The following PLS1 variants were observed in gnomAD, a reference collection of about 807,000 sequenced individuals.
The protein encoded by PLS1 is plastin-1.
PLS1 carries 32 observed loss-of-function variants against 73.7 expected under a neutral mutation model. The ratio of observed to expected loss-of-function variants is 0.43; its 90% CI spans 0.33 to 0.58. PLS1 has a LOEUF of 0.58. PLS1 is among the 20% of genes least tolerant of loss of function. The pLI is 0.04. For synonymous variants in PLS1, 217 were observed against 261.3 expected (o/e 0.83, Z 1.63); for missense variants, 633 against 740.5 (o/e 0.85, Z 1.68).
At chr3:142,682,513 G>T (rs2107884075) in intron 6 of PLS1, among the ~76,000 whole-genome samples, 1 of 152,272 alleles carries the variant, frequency 6.6e-6, no homozygotes, top group East Asian at 1.9e-4. Flanking sequence ...AATCAATTTA[G>T]CGAAATTACA....
At chr3:142,668,178 T>C in intron 2 of PLS1, among the ~76,000 whole-genome samples, 1 of 152,292 alleles carries the variant, frequency 6.6e-6, no homozygotes, top group East Asian at 1.9e-4. Context: ...TGCTGTCAAC[T>C]CTGGGCAGAA....
At chr3:142,689,513 T>C (rs1262027369) in intron 9 of PLS1, 105 bp from the exon 10 acceptor site, 4 of 478,028 alleles carry the variant, frequency 8.4e-6, no homozygotes, top group Non-Finnish European at 1.1e-5. Context: ...TTTTGAGTTA[T>C]TATTTGATAT....
intron 1 of PLS1, chr3:142,654,885 C>T (rs570252375): frequency 1.3e-5 from 2 of 152,230 alleles, no homozygotes; most frequent in Admixed American, 6.5e-5. Context: ...GTTGGTGGCA[C>T]ATTTCCCATA....
intron 3 of PLS1, among the ~76,000 whole-genome samples, chr3:142,670,483 A>T (rs7646861): frequency 0.019 from 2,774 of 145,636 alleles, 82 homozygotes; most frequent in African/African-American, 0.072. Flanking sequence ...ATTTGCATTT[A>T]AAAAAAAACC....
intron 1 of PLS1, among the ~76,000 whole-genome samples, chr3:142,643,366 G>A (rs76660237): frequency 0.035 from 5,281 of 152,216 alleles, 303 homozygotes; most frequent in African/African-American, 0.12. Flanking sequence ...TTTTCTTCTT[G>A]ATTTCTCCAC....
chr3:142,644,445 GTCTC>G (rs2036910068), intron 1 of PLS1, among the ~76,000 whole-genome samples: 1 of 151,772 alleles, frequency 6.6e-6, no homozygotes, highest in African/African-American at 2.4e-5. Context: ...TAGAGATGGG[GTCTC>G]TCTGTGTTGT....
At chr3:142,709,493 C>T (rs1933010001) in intron 14 of PLS1, among the ~76,000 whole-genome samples, 1 of 152,106 alleles carries the variant, frequency 6.6e-6, no homozygotes, top group Non-Finnish European at 1.5e-5. Flanking sequence ...TGTATCATAA[C>T]ATGAACATAA....
rs146739565 is a variant in PLS1, at chr3:142,637,413, G to A, written c.-36-26789G>A. On this transcript the variant is annotated intron_variant, in intron 1 of 15. Coordinates refer to ENST00000457734, the MANE Select transcript of PLS1 (RefSeq NM_001145319.2). ...AAGGAGGGATTACCAAGGAGCATGA[G>A]GAATATTATAGGAATCATAGACATG... Among the ~76,000 whole-genome samples the A allele has an allele frequency of 7.2e-5, 11 of 152,226 alleles. No individual in the cohort carries two copies. In the East Asian group the frequency reaches 1.9e-3, roughly 27 times the overall value.
At chr3:142,698,509 T>G (rs908582442) in intron 12 of PLS1, 4 of 151,844 alleles carry the variant, frequency 2.6e-5, no homozygotes, top group Non-Finnish European at 4.4e-5. Flanking sequence ...GAAATATGTG[T>G]GCAAACAACT....
chr3:142,700,745 AT>A (rs1190515095), intron 12 of PLS1, among the ~76,000 whole-genome samples: 1 of 152,142 alleles, frequency 6.6e-6, no homozygotes, highest in Non-Finnish European at 1.5e-5. Flanking sequence ...GGTAATTGAT[AT>A]GGTTTGGCTG....
At chr3:142,702,255 C>T (rs2038346993) in intron 12 of PLS1, among the ~76,000 whole-genome samples, 1 of 152,200 alleles carries the variant, frequency 6.6e-6, no homozygotes, top group Admixed American at 6.5e-5. Flanking sequence ...ATATATCAAA[C>T]ATTTTATTCA....
At chr3:142,613,448 G>A (rs1414622556) in intron 1 of PLS1, among the ~76,000 whole-genome samples, 1 of 151,830 alleles carries the variant, frequency 6.6e-6, no homozygotes, top group Non-Finnish European at 1.5e-5. Flanking sequence ...TTGTACTCCA[G>A]CCTGGGTGAC....
chr3:142,635,202 A>C (rs2036650858), intron 1 of PLS1, among the ~76,000 whole-genome samples: 1 of 152,166 alleles, frequency 6.6e-6, no homozygotes, highest in South Asian at 2.1e-4. Context: ...GAGAATTATA[A>C]CAAGAGAAGA....
intron 1 of PLS1, among the ~76,000 whole-genome samples, chr3:142,642,455 A>C (rs2036861760): frequency 6.6e-6 from 1 of 152,204 alleles, no homozygotes; most frequent in Non-Finnish European, 1.5e-5. Flanking sequence ...TAATTCCTAC[A>C]AATGGAATTG....
chr3:142,707,031 C>T (rs1337866040), intron 14 of PLS1, among the ~76,000 whole-genome samples: 3 of 152,132 alleles, frequency 2.0e-5, no homozygotes, highest in Non-Finnish European at 4.4e-5. Flanking sequence ...AATGGGAGTG[C>T]ATAAACCTTT....
At chr3:142,599,323 C>CT (rs869303176) in intron 1 of PLS1, among the ~76,000 whole-genome samples, 588 of 44,206 alleles carry the variant, frequency 0.013, 3 homozygotes, top group East Asian at 0.037. Flanking sequence ...CTCAGATATT[C>CT]TTTTTTTTTT....
intron 1 of PLS1, among the ~76,000 whole-genome samples, chr3:142,626,671 T>G (rs1202648002): frequency 6.6e-6 from 1 of 152,224 alleles, no homozygotes; most frequent in East Asian, 1.9e-4. Flanking sequence ...CTGCTCCTCT[T>G]TTGTTTTCTG....
At chr3:142,686,167 A>G (rs2037960372) in intron 8 of PLS1, 117 bp from the exon 9 acceptor site, 14 of 657,198 alleles carry the variant, frequency 2.1e-5, no homozygotes, top group South Asian at 9.3e-5. Flanking sequence ...CTTTATTTTT[A>G]AAGTTATTCC....
chr3:142,676,335 A>G, intron 5 of PLS1, 46 bp downstream of exon 5: 2 of 1,561,810 alleles, frequency 1.3e-6, no homozygotes, highest in Non-Finnish European at 1.8e-6. Context: ...TGCTGATTAC[A>G]TTGATGAGCA....
Sources: allele counts gnomAD v4.1 joint callset (sites outside exome capture counted in the v4.1 genomes callset), GRCh38; gene constraint gnomAD v4.1.1; transcripts MANE v1.5; gene names NCBI Gene and HGNC (gene_info 2026-07-23, HGNC 2026-07-21).